The following IL1RAPL2 variants were observed in gnomAD, a reference collection of about 807,000 sequenced individuals.
IL1RAPL2 encodes X-linked interleukin-1 receptor accessory protein-like 2.
IL1RAPL2 carries 3 observed loss-of-function variants against 44.1 expected under a neutral mutation model. The observed-to-expected ratio is 0.07, with a 90% CI of 0.03 to 0.18. The LOEUF (loss-of-function observed/expected upper bound fraction) is 0.18, where lower values mean the gene tolerates loss of function less well. Among genes scored for constraint, IL1RAPL2 ranks in the 10% least tolerant of loss-of-function variants. The pLI is 1.00. For missense variants in IL1RAPL2, 391 were observed against 496.4 expected, an observed-to-expected ratio of 0.79 and a Z score of 2.02; for synonymous variants, 181 against 178.8, an observed-to-expected ratio of 1.01 and a Z score of -0.10.
chrX:105,547,201 A>G (rs1227614342), intron 6 of IL1RAPL2, among the ~76,000 whole-genome samples: 1 of 112,620 alleles, frequency 8.9e-6, no homozygotes, highest in Non-Finnish European at 1.9e-5. Flanking sequence ...AGTACAAATC[A>G]AATGCTGAAA....
At chrX:105,420,057 AC>A (rs2035763124) in intron 5 of IL1RAPL2, among the ~76,000 whole-genome samples, 1 of 111,129 alleles carries the variant, frequency 9.0e-6, no homozygotes, top group Non-Finnish European at 1.9e-5. Context: ...AGATAAGAAA[AC>A]TAACCCAGGT....
At chrX:104,674,726 C>T (rs1327040459) in intron 2 of IL1RAPL2, among the ~76,000 whole-genome samples, 2 of 109,733 alleles carry the variant, frequency 1.8e-5, no homozygotes, top group Non-Finnish European at 3.8e-5. Context: ...CCATCTGGTC[C>T]TGGACTCTTT....
chrX:104,821,856 C>T (rs1921312829), intron 2 of IL1RAPL2, among the ~76,000 whole-genome samples: 1 of 112,079 alleles, frequency 8.9e-6, no homozygotes, highest in Non-Finnish European at 1.9e-5. Context: ...TTTGCACTCC[C>T]ACCAACAGTG....
intron 5 of IL1RAPL2, among the ~76,000 whole-genome samples, chrX:105,317,995 C>T (rs779528114): frequency 1.9e-5 from 2 of 103,365 alleles, no homozygotes; most frequent in South Asian, 4.4e-4. Context: ...TTTTTAAAGA[C>T]GAAGTCTCGC....
At chrX:105,388,081 G>C (rs949486019) in intron 5 of IL1RAPL2, among the ~76,000 whole-genome samples, 2 of 92,674 alleles carry the variant, frequency 2.2e-5, no homozygotes, top group African/African-American at 8.2e-5. Flanking sequence ...CCAGAAGGCA[G>C]AGGTTGCAGT....
At chrX:105,593,705 C>T (rs771528465) in intron 6 of IL1RAPL2, among the ~76,000 whole-genome samples, 1 of 110,962 alleles carries the variant, frequency 9.0e-6, no homozygotes, top group Admixed American at 9.6e-5. Flanking sequence ...ACTCATCACT[C>T]CTGGGCTATG....
rs918563653 is a variant in IL1RAPL2 at position 104,986,975 on chromosome X, A to G, written c.83-208500A>G. ...AACATTAAGAAATGACATGAAATGC[A>G]CATGCAGTGTCTGCCTCACAGGCAC... On this transcript the variant is annotated intron_variant, in intron 2 of 10. Transcript: ENST00000372582. 4.4e-5 allele frequency among the ~76,000 whole-genome samples: 5 copies of G among 112,574 alleles called. 1 individual carries two copies. The Admixed American group carries it at 4.7e-4, about 11-fold the overall frequency.
At chrX:105,386,975 G>A (rs2035480675) in intron 5 of IL1RAPL2, among the ~76,000 whole-genome samples, 1 of 111,344 alleles carries the variant, frequency 9.0e-6, no homozygotes, top group African/African-American at 3.3e-5. Context: ...CTCTAATTAG[G>A]ACTCCTTGTG....
chrX:105,359,088 A>G (rs936725098), intron 5 of IL1RAPL2, among the ~76,000 whole-genome samples: 6 of 112,082 alleles, frequency 5.4e-5, no homozygotes, highest in Non-Finnish European at 1.1e-4. Context: ...ACAGCTCCTT[A>G]TAGCCAAGGA....
intron 2 of IL1RAPL2, among the ~76,000 whole-genome samples, chrX:104,682,925 G>A (rs1484130062): frequency 9.0e-6 from 1 of 111,220 alleles, no homozygotes; most frequent in Non-Finnish European, 1.9e-5. Context: ...GCTATGTTTG[G>A]AATTTGAACC....
intron 6 of IL1RAPL2, among the ~76,000 whole-genome samples, chrX:105,586,111 G>A (rs1278573295): frequency 9.0e-6 from 1 of 111,621 alleles, no homozygotes; most frequent in Non-Finnish European, 1.9e-5. Context: ...TATGACAAAG[G>A]TCTAATATCC....
intron 1 of IL1RAPL2, among the ~76,000 whole-genome samples, chrX:104,604,633 C>CCA (rs746302382): frequency 3.2e-5 from 1 of 31,102 alleles, no homozygotes; most frequent in Non-Finnish European, 5.7e-5. Context: ...AAATGCATAG[C>CCA]AAAAAAAAAA....
rs957298443 is a variant in IL1RAPL2, at chrX:105,010,129, G to A, written c.83-185346G>A. Among the ~76,000 whole-genome samples, 79 of 111,118 alleles carry A rather than the reference G, an allele frequency of 7.1e-4. 1 individual carries two copies. The highest frequency in any genetic ancestry group is 4.5e-4 in the Non-Finnish European group (24 of 52,850). On this transcript the variant is annotated intron_variant, in intron 2 of 10. Transcript: ENST00000372582. ...CATTTTAAAAGCAGGTAGGGCTCAA[G>A]AGTAAATAAACAATTGCATATTTGA...
chrX:104,908,803 A>T, intron 2 of IL1RAPL2, among the ~76,000 whole-genome samples: 1 of 108,357 alleles, frequency 9.2e-6, no homozygotes, highest in East Asian at 2.9e-4. Flanking sequence ...CTTCTCGAGG[A>T]GTATCTTTGT....
chrX:105,442,865 C>T (rs913541996), intron 5 of IL1RAPL2, among the ~76,000 whole-genome samples: 3 of 111,524 alleles, frequency 2.7e-5, no homozygotes, highest in Non-Finnish European at 3.8e-5. Context: ...CACTTGAGGA[C>T]GGGAGTTCAA....
chrX:104,709,039 A>C (rs1931407987), intron 2 of IL1RAPL2, among the ~76,000 whole-genome samples: 1 of 111,582 alleles, frequency 9.0e-6, no homozygotes, highest in Admixed American at 9.6e-5. Context: ...AATGAATTTA[A>C]CATGTTATAA....
At chrX:105,267,905 T>A (rs2034415884) in intron 5 of IL1RAPL2, among the ~76,000 whole-genome samples, 1 of 111,680 alleles carries the variant, frequency 9.0e-6, no homozygotes, top group Non-Finnish European at 1.9e-5. Context: ...GATTTTAGAA[T>A]GAGAATCTGT....
intron 2 of IL1RAPL2, among the ~76,000 whole-genome samples, chrX:104,989,190 G>A (rs769368169): frequency 1.8e-5 from 2 of 111,450 alleles, no homozygotes; most frequent in Admixed American, 9.6e-5. Context: ...TTGAGCCTGG[G>A]CAGCAAACAA....
At chrX:104,757,456 A>T (rs750366430) in intron 2 of IL1RAPL2, among the ~76,000 whole-genome samples, 1 of 111,697 alleles carries the variant, frequency 9.0e-6, no homozygotes, top group South Asian at 3.8e-4. Flanking sequence ...CAAGGGAGAC[A>T]TTCTGGGTGG....
Sources: allele counts gnomAD v4.1 joint callset (sites outside exome capture counted in the v4.1 genomes callset), GRCh38; gene constraint gnomAD v4.1.1; transcripts MANE v1.5; gene names NCBI Gene and HGNC (gene_info 2026-07-23, HGNC 2026-07-21).